The following PPP1R12A variants were observed in gnomAD, a reference collection of about 807,000 sequenced individuals.
The protein encoded by PPP1R12A is myosin binding subunit.
PPP1R12A carries 19 observed loss-of-function variants against 139.6 expected under a neutral mutation model. The ratio of observed to expected loss-of-function variants is 0.14; its 90% CI spans 0.09 to 0.20. The LOEUF (loss-of-function observed/expected upper bound fraction) is 0.20. PPP1R12A is among the 10% of genes least tolerant of loss of function. The probability of loss-of-function intolerance (pLI) is 1.00; values close to 1 mark genes in which losing one functional copy is unlikely to be tolerated. For missense variants in PPP1R12A, 925 were observed against 1,211.5 expected, an observed-to-expected ratio of 0.76 and a Z score of 3.51; for synonymous variants, 427 against 420.6, an observed-to-expected ratio of 1.02 and a Z score of -0.19.
chr12:79,830,602 C>T (rs1877304311), intron 4 of PPP1R12A, among the ~76,000 whole-genome samples: 1 of 152,086 alleles, frequency 6.6e-6, no homozygotes, highest in African/African-American at 2.4e-5. Flanking sequence ...TTCCTACACC[C>T]TGTCAACAGG....
Position 79,790,353 on chromosome 12 carries a change from T to G in PPP1R12A, c.2666+114A>C, listed in dbSNP as rs963007212. On this transcript the variant is annotated intron_variant, in intron 20 of 24. Coordinates refer to ENST00000450142, the MANE Select transcript of PPP1R12A (RefSeq NM_002480.3). The stretch of plus-strand genomic sequence containing the variant: ...AATGATAAGGCCATCAAAATTTGTT[T>G]TTTATTATCAAATAATTCTATAAAC... 4 of 785,808 alleles carry G rather than the reference T, an allele frequency of 5.1e-6. No homozygotes were observed. In the African/African-American group the frequency reaches 7.0e-5, roughly 14 times the overall value. The allele number at this position is 785,808 out of a possible 1,614,324, so 48.7% of individuals were successfully genotyped here.
At position 79,800,734 on chromosome 12, in the gene PPP1R12A, T is replaced by A. The variant is rs1328655992; in HGVS notation, c.2001-2150A>T. ...TGAGTTTTCTTTATTCAAATGCTAC[T>A]TTTTTTTTTTTTTTTTTGAAACGGA... On this transcript the variant is annotated intron_variant, in intron 14 of 24. Transcript: ENST00000450142. Among the ~76,000 whole-genome samples, 8 of 122,886 alleles carry A rather than the reference T, an allele frequency of 6.5e-5. No individual in the cohort carries two copies. In the East Asian group the frequency reaches 1.8e-3, roughly 27 times the overall value. The allele number at this position is 122,886 out of a possible 152,430, so 80.6% of individuals were successfully genotyped here. A position where few individuals can be genotyped will look rare whatever the true frequency, so the allele number is the denominator to read the frequency against.
At chr12:79,899,812 C>G (rs1168095247) in intron 1 of PPP1R12A, among the ~76,000 whole-genome samples, 1 of 152,058 alleles carries the variant, frequency 6.6e-6, no homozygotes, top group Admixed American at 6.5e-5. Context: ...GCAATTGTAC[C>G]AATTTACATC....
chr12:79,874,477 TTA>T (rs1050612320), intron 1 of PPP1R12A, among the ~76,000 whole-genome samples: 2 of 152,070 alleles, frequency 1.3e-5, no homozygotes, highest in African/African-American at 4.8e-5. Context: ...AAAAAATGAA[TTA>T]GTTATTTTAA....
At chr12:79,804,067 T>C (rs908241383) in intron 14 of PPP1R12A, among the ~76,000 whole-genome samples, 1 of 152,046 alleles carries the variant, frequency 6.6e-6, no homozygotes, top group Admixed American at 6.6e-5. Context: ...ATCAAACACC[T>C]CATTTAACAG....
chr12:79,777,470 T>C, intron 24 of PPP1R12A: 1 of 985,274 alleles, frequency 1.0e-6, no homozygotes, highest in Non-Finnish European at 1.2e-6. Context: ...CCTACTAATA[T>C]AAAAACACCT....
Position 79,776,012 on chromosome 12 carries a change from A to G in PPP1R12A, c.3010T>C (p.Leu1004=). 1 of 1,579,972 alleles carries G rather than the reference A, an allele frequency of 6.3e-7. No homozygotes were observed. The change falls in exon 25 of 25, where the codon TTA becomes CTA. Residue 1004 remains leucine (L), a synonymous_variant. Coordinates refer to ENST00000450142, the MANE Select transcript of PPP1R12A (RefSeq NM_002480.3). ...ISEMEEELKM[L]PDLKADNQRL... ...TGGTTGTCTGCTTTTAGGTCTGGTAACATCTATAAAGAGAAAAATTGAAGA... is the reference window on the plus strand; with the variant it reads ...TGGTTGTCTGCTTTTAGGTCTGGTAGCATCTATAAAGAGAAAAATTGAAGA...
At chr12:79,872,606 C>G (rs1269139907) in intron 2 of PPP1R12A, among the ~76,000 whole-genome samples, 1 of 151,920 alleles carries the variant, frequency 6.6e-6, no homozygotes, top group Non-Finnish European at 1.5e-5. Flanking sequence ...TACCAAAGGC[C>G]AAAGAGGGTG....
chr12:79,910,857 G>C (rs1260641829), intron 1 of PPP1R12A, among the ~76,000 whole-genome samples: 2 of 152,158 alleles, frequency 1.3e-5, no homozygotes, highest in Non-Finnish European at 2.9e-5. Context: ...AAAGTGGAAA[G>C]TAAAAAGCCC....
intron 2 of PPP1R12A, among the ~76,000 whole-genome samples, chr12:79,854,261 G>C (rs1880376468): frequency 1.3e-5 from 2 of 152,024 alleles, no homozygotes; most frequent in African/African-American, 4.8e-5. Context: ...AACAAATACT[G>C]CACCATAATT....
chr12:79,814,815 CAAAAA>C (rs149384466), intron 9 of PPP1R12A, among the ~76,000 whole-genome samples: 6 of 69,750 alleles, frequency 8.6e-5, no homozygotes, highest in East Asian at 1.2e-3. Flanking sequence ...AACTCTGTCT[CAAAAA>C]AAAAAAAAAA....
At chr12:79,782,691 C>G (rs545258654) in intron 22 of PPP1R12A, 2 of 384,926 alleles carry the variant, frequency 5.2e-6, no homozygotes, top group Admixed American at 6.7e-5. Context: ...ACATTGATCT[C>G]TGTACAAACA....
chr12:79,800,952 C>T (rs1873056486), intron 14 of PPP1R12A, among the ~76,000 whole-genome samples: 1 of 151,700 alleles, frequency 6.6e-6, no homozygotes, highest in African/African-American at 2.4e-5. Context: ...CCAGGATGGT[C>T]TTGATCTTCT....
chr12:79,896,929 T>C (rs2137451035), intron 1 of PPP1R12A, among the ~76,000 whole-genome samples: 1 of 152,238 alleles, frequency 6.6e-6, no homozygotes, highest in South Asian at 2.1e-4. Flanking sequence ...ACAGCAAAAA[T>C]TCAAAAATTA....
chr12:79,833,564 C>T (rs1877695057), intron 3 of PPP1R12A, among the ~76,000 whole-genome samples: 1 of 151,520 alleles, frequency 6.6e-6, no homozygotes, highest in Admixed American at 6.6e-5. Context: ...TTGGCTCACA[C>T]TTGTAATTCA....
intron 17 of PPP1R12A, among the ~76,000 whole-genome samples, chr12:79,796,536 C>T (rs527296434): frequency 2.0e-5 from 3 of 152,060 alleles, no homozygotes; most frequent in East Asian, 1.9e-4. Context: ...ATTAACTTTT[C>T]GTTGTAGGTG....
chr12:79,860,010 G>A (rs998860339), intron 2 of PPP1R12A, among the ~76,000 whole-genome samples: 1 of 152,128 alleles, frequency 6.6e-6, no homozygotes, highest in African/African-American at 2.4e-5. Context: ...AGAAAAATGC[G>A]TTAAGTGCAC....
At chr12:79,830,364 C>T (rs1877272059) in intron 4 of PPP1R12A, among the ~76,000 whole-genome samples, 1 of 152,146 alleles carries the variant, frequency 6.6e-6, no homozygotes, top group Admixed American at 6.6e-5. Context: ...GGAGATTTCT[C>T]ATTCTTGTTT....
intron 5 of PPP1R12A, among the ~76,000 whole-genome samples, chr12:79,827,198 CA>C (rs1251823531): frequency 7.9e-5 from 12 of 152,018 alleles, no homozygotes; most frequent in African/African-American, 2.9e-4. Context: ...AAATTCAACC[CA>C]AAGATTTTTG....
Sources: gnomAD v4.1 joint callset for allele counts (sites outside exome capture counted in the v4.1 genomes callset) on GRCh38, gnomAD v4.1.1 for gene constraint, MANE v1.5 for transcripts, NCBI Gene and HGNC (gene_info 2026-07-23, HGNC 2026-07-21) for gene names.